Variants in MED12L observed in about 807,000 individuals in gnomAD.
MED12L encodes the protein mediator complex subunit 12L.
Under a neutral mutation model 281.3 loss-of-function variants are expected in MED12L, and 60 were observed. That is an observed-to-expected ratio of 0.21 (90% CI 0.17 to 0.26). MED12L has a LOEUF of 0.26. Ranked by LOEUF, MED12L falls within the 10% of genes least tolerant of loss-of-function variation. The probability of loss-of-function intolerance (pLI) is 1.00; values close to 1 mark genes in which losing one functional copy is unlikely to be tolerated. For missense variants in MED12L, 2,146 were observed against 2,680.9 expected (o/e 0.80, Z 4.41); for synonymous variants, 974 against 987.2 (o/e 0.99, Z 0.25).
At chr3:151,367,813 G>T in intron 24 of MED12L, 47 bp downstream of exon 24, 1 of 1,568,774 alleles carries the variant, frequency 6.4e-7, no homozygotes, top group South Asian at 1.2e-5. Flanking sequence ...TTGTTGTCTT[G>T]ATGGAGTGGT....
intron 16 of MED12L, among the ~76,000 whole-genome samples, chr3:151,291,123 C>T (rs1001734800): frequency 2.0e-5 from 3 of 146,470 alleles, no homozygotes; most frequent in Non-Finnish European, 4.5e-5. Flanking sequence ...TAAATGGTTC[C>T]TACGCTTTAT....
rs773201403 is a variant in MED12L, at chr3:151,156,343, A to T, written c.726+13A>T. ...TCACATGTTCCAGGTAACCTTTTGA[A>T]GACATGCAGAGTTGTGTGCAATGCT... On this transcript the variant is annotated intron_variant, in intron 6 of 44. Transcript: ENST00000687756. 5.6e-6 allele frequency: 9 copies of T among 1,596,174 alleles called. No individual in the cohort carries two copies. The highest frequency in any genetic ancestry group is 7.7e-6 in the Non-Finnish European group (9 of 1,171,576).
chr3:151,112,370 T>C (rs1712049602), intron 2 of MED12L, among the ~76,000 whole-genome samples: 2 of 150,806 alleles, frequency 1.3e-5, no homozygotes, highest in South Asian at 4.2e-4. Flanking sequence ...AACCTCCACC[T>C]CTCGGGTTCA....
intron 5 of MED12L, among the ~76,000 whole-genome samples, chr3:151,146,074 C>T (rs1717716374): frequency 6.6e-6 from 1 of 152,226 alleles, no homozygotes; most frequent in Admixed American, 6.5e-5. Context: ...TAGCTTGCCA[C>T]TGCCTGGGTC....
rs1036216622 is a variant in MED12L at position 151,156,321 on chromosome 3, C to T, written c.717C>T (p.His239=). The T allele has an allele frequency of 6.2e-6, 10 of 1,605,632 alleles. No homozygotes were observed. Among genetic ancestry groups the T allele is most frequent in the Non-Finnish European group, 8.5e-6 (10 of 1,176,704 alleles). ...QWEYNEKLAF[H]MFQEGMLEKH... is the part of the protein sequence containing the mutation. ...AATACAACGAAAAGCTAGCATTTCA[C>T]ATGTTCCAGGTAACCTTTTGAAGAC... Residue 239 remains histidine, a synonymous_variant, in exon 6 of 45, where the codon CAC becomes CAT. Transcript: ENST00000687756.
rs1249520264 is a variant in MED12L at position 151,158,787 on chromosome 3, A to C, written c.825A>C (p.Pro275=). The C allele has an allele frequency of 6.2e-7, 1 of 1,609,296 alleles. No homozygotes were observed. Residue 275 remains proline, a synonymous_variant, in exon 7 of 45, where the codon CCA becomes CCC. Coordinates refer to ENST00000687756, the MANE Select transcript of MED12L (RefSeq NM_001393769.1). ...ATGATCTTCTTAAACTCTTGCTACC[A>C]CTAATGCTGCAGGTATAGTACATGT... ...MDDDLLKLLL[P]LMLQYSDEFV...
At position 151,251,635 on chromosome 3, in the gene MED12L, A is replaced by G. The variant is rs921201469; in HGVS notation, c.2250+57969A>G. ...ATTTGACACCTCTTCTTCCACCACT[A>G]TTTGCCTTGGTCTGTATATCACAGC... On this transcript the variant is annotated intron_variant, in intron 16 of 44. Transcript: ENST00000687756. Among the ~76,000 whole-genome samples, 3 of 151,992 alleles carry G rather than the reference A, an allele frequency of 2.0e-5. No individual in the cohort carries two copies. The East Asian group carries it at 5.8e-4, about 29-fold the overall frequency.
At chr3:151,089,186 T>C (rs1576699192) in intron 2 of MED12L, among the ~76,000 whole-genome samples, 2 of 152,348 alleles carry the variant, frequency 1.3e-5, no homozygotes, top group African/African-American at 4.8e-5. Context: ...GAAATATATG[T>C]ATATATAAAA....
chr3:151,230,694 A>C (rs1731497386), intron 16 of MED12L, among the ~76,000 whole-genome samples: 1 of 151,840 alleles, frequency 6.6e-6, no homozygotes, highest in Admixed American at 6.6e-5. Flanking sequence ...TTCAAACTTT[A>C]AACCTGCTCA....
intron 16 of MED12L, among the ~76,000 whole-genome samples, chr3:151,197,455 C>CGGTGG (rs1417576134): frequency 6.6e-6 from 1 of 152,120 alleles, no homozygotes; most frequent in Non-Finnish European, 1.5e-5. Context: ...GCTGGAGTCA[C>CGGTGG]CTATACTTTA....
chr3:151,193,374 G>T (rs1279012831), intron 15 of MED12L, 116 bp from the exon 16 acceptor site: 1 of 695,736 alleles, frequency 1.4e-6, no homozygotes, highest in African/African-American at 1.8e-5. Context: ...TTTGCTAAGT[G>T]GTTAAGTAGG....
chr3:151,388,036 A>C lies in MED12L; in HGVS notation c.5315A>C (p.Glu1772Ala). ...PLPLPPEEEE[E>A]EPTSPVSQEP... Reference sequence around the variant, plus strand: ...CCCCTGCCTCCTGAGGAGGAAGAGGAAGAGCCCACATCTCCAGTTTCTCAG... The same window carrying C: ...CCCCTGCCTCCTGAGGAGGAAGAGGCAGAGCCCACATCTCCAGTTTCTCAG... The change falls in exon 37 of 45, where the codon GAA becomes GCA. Residue 1772 changes from glutamate to alanine, a missense_variant. Glu to Ala is a moderately radical substitution (Grantham distance 107). This residue lies in a region of MED12L where 496 missense variants were observed against 512.0 expected (regional missense o/e 0.97). Transcript: ENST00000687756. The C allele has an allele frequency of 6.2e-7, 1 of 1,614,024 alleles. No homozygotes were observed. The highest frequency in any genetic ancestry group is 8.5e-7 in the Non-Finnish European group (1 of 1,180,006).
intron 16 of MED12L, among the ~76,000 whole-genome samples, chr3:151,234,153 G>T (rs1319360390): frequency 1.3e-5 from 2 of 152,184 alleles, no homozygotes; most frequent in African/African-American, 2.4e-5. Context: ...AGCACTGTTT[G>T]TAATAGCAAA....
chr3:151,231,295 C>T (rs1341257248), intron 16 of MED12L, among the ~76,000 whole-genome samples: 2 of 152,078 alleles, frequency 1.3e-5, no homozygotes, highest in Non-Finnish European at 2.9e-5. Context: ...CAATTGTGGC[C>T]AAAAGCCACT....
At chr3:151,092,650 A>G (rs1421752167) in intron 2 of MED12L, among the ~76,000 whole-genome samples, 1 of 152,180 alleles carries the variant, frequency 6.6e-6, no homozygotes, top group African/African-American at 2.4e-5. Flanking sequence ...AGGGAGGTGG[A>G]AAGTTTGTTT....
chr3:151,435,984 G>GTT lies in MED12L; in HGVS notation c.*3182_*3183dup, dbSNP rs1285711950. Reference sequence around the variant, plus strand: ...AGCTAGATTTTAAAGTTATAAAGAAGTTTCATTGTATTTTTAAAACCTTTT... The same window carrying GTT: ...AGCTAGATTTTAAAGTTATAAAGAAGTTTTTCATTGTATTTTTAAAACCTTTT... On this transcript the variant is annotated 3_prime_UTR_variant, in exon 45 of 45. Transcript: ENST00000687756. 1 of 152,152 alleles carries GTT rather than the reference G, an allele frequency of 6.6e-6. No individual in the cohort carries two copies. Among genetic ancestry groups the GTT allele is most frequent in the Admixed American group, 6.5e-5 (1 of 15,278 alleles). 9.4% of individuals were successfully genotyped at this position (152,152 alleles called of 1,614,324 possible).
chr3:151,394,878 A>G lies in MED12L; in HGVS notation c.5820+11A>G, dbSNP rs1035623492. The G allele has an allele frequency of 3.7e-6, 6 of 1,613,470 alleles. No individual in the cohort carries two copies. Among genetic ancestry groups the G allele is most frequent in the Non-Finnish European group, 4.2e-6 (5 of 1,179,996 alleles). ...CGGCCTTTCCAACAGGTTTGTCCAG[A>G]CCCCAGCAATGGAGTCCTTTGCATT... is the stretch of plus-strand genomic sequence containing the variant. On this transcript the variant is annotated intron_variant, in intron 39 of 44. Transcript: ENST00000687756.
In MED12L at chr3:151,341,049, C is replaced by T. The variant is rs1025521253; in HGVS notation, c.2251-9010C>T. Reference sequence around the variant, plus strand: ...TAAATCCAAGTTGAGATCAAGCCTTCGAAGTCTGCTTCCTGGAGAAGATTT... The same window carrying T: ...TAAATCCAAGTTGAGATCAAGCCTTTGAAGTCTGCTTCCTGGAGAAGATTT... On this transcript the variant is annotated intron_variant, in intron 16 of 44. Coordinates refer to ENST00000687756, the MANE Select transcript of MED12L (RefSeq NM_001393769.1). Among the ~76,000 whole-genome samples, 4 of 152,216 alleles carry T rather than the reference C, an allele frequency of 2.6e-5. No homozygotes were observed. The East Asian group carries it at 5.8e-4, about 22-fold the overall frequency.
chr3:151,430,936 T>G (rs1429560260), intron 44 of MED12L, among the ~76,000 whole-genome samples: 4 of 151,134 alleles, frequency 2.6e-5, no homozygotes, highest in Non-Finnish European at 5.9e-5. Flanking sequence ...TGGTGTGGTG[T>G]TTTTGTTTTG....
Sources: gnomAD v4.1 joint callset for allele counts (sites outside exome capture counted in the v4.1 genomes callset) on GRCh38, gnomAD v4.1.1 for gene constraint, gnomAD v4.1.1 regional missense constraint, MANE v1.5 for transcripts, NCBI Gene and HGNC (gene_info 2026-07-23, HGNC 2026-07-21) for gene names.